RXFP1: variants seen among roughly 807,000 people sequenced by gnomAD.
RXFP1 encodes the protein relaxin receptor 1.
Under a neutral mutation model 89.8 loss-of-function variants are expected in RXFP1, and 73 were observed. The observed-to-expected ratio is 0.81, with a 90% confidence interval of 0.67 to 0.99. RXFP1 has a LOEUF of 0.99. RXFP1 is among the 50% of genes least tolerant of loss of function. RXFP1 has a pLI of 0.00. For missense variants in RXFP1, 793 were observed against 895.5 expected (o/e 0.89, Z 1.46); for synonymous variants, 277 against 305.5 (o/e 0.91, Z 0.97).
rs1312590505 is a variant in RXFP1, at chr4:158,545,462, T to C, written c.49+23437T>C. On this transcript the variant is annotated intron_variant, in intron 1 of 17. Coordinates refer to ENST00000307765, the MANE Select transcript of RXFP1 (RefSeq NM_021634.4). ...GAAGCTCTTTAGTTTAATTATATCC[T>C]GTTTGTCAATTTTGTCTTTTGTTGC... Among the ~76,000 whole-genome samples the C allele has an allele frequency of 3.9e-5, 6 of 152,108 alleles. No individual in the cohort carries two copies. The East Asian group carries it at 1.2e-3, about 29-fold the overall frequency.
intron 13 of RXFP1, 63 bp downstream of exon 13, chr4:158,638,142 T>TAAAAATATAC: frequency 2.3e-6 from 2 of 859,906 alleles, no homozygotes; most frequent in South Asian, 1.6e-5. Context: ...TAACAATGTA[T>TAAAAATATAC]ATTTTTATAT....
intron 9 of RXFP1, 59 bp downstream of exon 9, chr4:158,617,264 C>G: frequency 2.5e-6 from 3 of 1,214,958 alleles, no homozygotes; most frequent in Non-Finnish European, 3.6e-6. Context: ...TTACCTAATT[C>G]ATTCCAGATA....
intron 2 of RXFP1, among the ~76,000 whole-genome samples, chr4:158,590,029 G>A (rs900161723): frequency 2.0e-5 from 3 of 152,052 alleles, no homozygotes; most frequent in Admixed American, 6.6e-5. Flanking sequence ...TCTAACCTAG[G>A]CAACAGAGTG....
intron 9 of RXFP1, among the ~76,000 whole-genome samples, chr4:158,618,114 T>C (rs1580110962): frequency 6.6e-6 from 1 of 152,224 alleles, no homozygotes. Context: ...GACAGTATAA[T>C]ACTGTACTGT....
chr4:158,599,809 T>C (rs1214755917), intron 4 of RXFP1, among the ~76,000 whole-genome samples: 1 of 152,314 alleles, frequency 6.6e-6, no homozygotes, highest in African/African-American at 2.4e-5. Context: ...TTAGAATTTA[T>C]TGGACCCAAA....
At position 158,607,073 on chromosome 4, in the gene RXFP1, T is replaced by G. The variant is rs1447479689; in HGVS notation, c.465-899T>G. 4 of 1,536,022 alleles carry G rather than the reference T, an allele frequency of 2.6e-6. No homozygotes were observed. The East Asian group carries it at 9.8e-5, about 38-fold the overall frequency. On this transcript the variant is annotated intron_variant, in intron 5 of 17. Coordinates refer to ENST00000307765, the MANE Select transcript of RXFP1 (RefSeq NM_021634.4). ...GACACTCTAAAGAACAATGGTGACC[T>G]GCACTCAGAACATGAAGGCAGCCTT... is the stretch of plus-strand genomic sequence containing the variant.
rs140512538 is a variant in RXFP1, at chr4:158,580,954, C to T, written c.187+8119C>T. Among the ~76,000 whole-genome samples the T allele has an allele frequency of 1.1e-4, 16 of 152,208 alleles. No individual in the cohort carries two copies. In the East Asian group the frequency reaches 3.1e-3, roughly 29 times the overall value. On this transcript the variant is annotated intron_variant, in intron 2 of 17. Transcript: ENST00000307765. ...CTGGTATTACAGGCACCTGCCACCA[C>T]ACCTGGCTAATTTTTAATAGAGACA...
chr4:158,642,679 A>G (rs186476070), intron 14 of RXFP1, among the ~76,000 whole-genome samples: 9 of 152,198 alleles, frequency 5.9e-5, no homozygotes, highest in Admixed American at 3.9e-4. Flanking sequence ...TTATCCATTC[A>G]TCTGTTCATC....
chr4:158,572,530 G>C (rs1755299985), intron 1 of RXFP1, among the ~76,000 whole-genome samples, 168 bp from the exon 2 acceptor site: 1 of 152,220 alleles, frequency 6.6e-6, no homozygotes, highest in Admixed American at 6.5e-5. Flanking sequence ...ATCATGGAAA[G>C]AACGTCCTAA....
At chr4:158,532,456 A>T (rs1242633839) in intron 1 of RXFP1, among the ~76,000 whole-genome samples, 1 of 152,140 alleles carries the variant, frequency 6.6e-6, no homozygotes, top group Non-Finnish European at 1.5e-5. Context: ...CACTTAAGAA[A>T]TCTTACCTGC....
chr4:158,629,756 T>G (rs1767667538), intron 11 of RXFP1, among the ~76,000 whole-genome samples: 1 of 152,040 alleles, frequency 6.6e-6, no homozygotes, highest in South Asian at 2.1e-4. Flanking sequence ...GCCTCCTGTG[T>G]AGCTACGACT....
chr4:158,614,855 T>A (rs1764244902), intron 8 of RXFP1, among the ~76,000 whole-genome samples: 1 of 152,182 alleles, frequency 6.6e-6, no homozygotes, highest in African/African-American at 2.4e-5. Context: ...TTCCTTACTA[T>A]GTTTAATCAT....
At chr4:158,625,263 G>A (rs1766482534) in intron 9 of RXFP1, among the ~76,000 whole-genome samples, 1 of 152,098 alleles carries the variant, frequency 6.6e-6, no homozygotes, top group Admixed American at 6.6e-5. Flanking sequence ...AAATTTGGAA[G>A]GGTGATCTAG....
intron 1 of RXFP1, among the ~76,000 whole-genome samples, chr4:158,548,654 A>G (rs1467425202): frequency 4.6e-5 from 7 of 152,332 alleles, no homozygotes; most frequent in Admixed American, 1.3e-4. Flanking sequence ...TGGTGGTGAC[A>G]AAATCTCTCA....
At chr4:158,624,117 A>G (rs7695640) in intron 9 of RXFP1, among the ~76,000 whole-genome samples, 39,766 of 152,114 alleles carry the variant, frequency 0.26, 8,658 homozygotes, top group African/African-American at 0.59. Context: ...AACATTCACC[A>G]AAATTGACCA....
At chr4:158,545,630 G>T (rs1449405572) in intron 1 of RXFP1, among the ~76,000 whole-genome samples, 1 of 152,034 alleles carries the variant, frequency 6.6e-6, no homozygotes, top group African/African-American at 2.4e-5. Flanking sequence ...TTTTGTATAG[G>T]GTGTAAGGAA....
intron 1 of RXFP1, among the ~76,000 whole-genome samples, chr4:158,533,767 CT>C (rs1262620639): frequency 6.6e-6 from 1 of 152,078 alleles, no homozygotes; most frequent in Non-Finnish European, 1.5e-5. Context: ...TTTTTCTATT[CT>C]GTTGCCCACA....
At chr4:158,640,503 C>T (rs757941943) in intron 14 of RXFP1, among the ~76,000 whole-genome samples, 27 of 152,008 alleles carry the variant, frequency 1.8e-4, no homozygotes, top group Non-Finnish European at 5.9e-5. Context: ...TGTCAAATGG[C>T]GAGAGAGAAA....
chr4:158,595,204 C>G (rs1760295315), intron 3 of RXFP1, among the ~76,000 whole-genome samples: 1 of 152,192 alleles, frequency 6.6e-6, no homozygotes, highest in South Asian at 2.1e-4. Flanking sequence ...GTTTTCTATT[C>G]TCTCCGTTTT....
Sources: gnomAD v4.1 joint callset for allele counts (sites outside exome capture counted in the v4.1 genomes callset) on GRCh38, gnomAD v4.1.1 for gene constraint, MANE v1.5 for transcripts, NCBI Gene and HGNC (gene_info 2026-07-23, HGNC 2026-07-21) for gene names.